Variants in PRIM2 observed in about 807,000 individuals in gnomAD.
PRIM2 encodes DNA primase large subunit.
PRIM2 carries 39 observed loss-of-function variants against 67.3 expected under a neutral mutation model. That is an observed-to-expected ratio of 0.58 (90% CI 0.45 to 0.76). The LOEUF is 0.76. Among genes scored for constraint, PRIM2 ranks in the 30% least tolerant of loss-of-function variants. The probability of loss-of-function intolerance (pLI) is 0.00; values close to 1 mark genes in which losing one functional copy is unlikely to be tolerated. For synonymous variants in PRIM2, 143 were observed against 198.7 expected (o/e 0.72, Z 2.36); for missense variants, 398 against 598.7 (o/e 0.66, Z 3.50).
intron 7 of PRIM2, among the ~76,000 whole-genome samples, chr6:57,482,798 T>C (rs1196401614): frequency 1.3e-5 from 2 of 152,170 alleles, no homozygotes; most frequent in Non-Finnish European, 2.9e-5. Context: ...TAAATACCTA[T>C]TTTATAGACT....
intron 7 of PRIM2, among the ~76,000 whole-genome samples, chr6:57,465,534 G>T (rs1396994917): frequency 2.6e-5 from 4 of 152,158 alleles, no homozygotes; most frequent in Non-Finnish European, 4.4e-5. Context: ...ATGTCCAAAA[G>T]GCAGTATAAA....
intron 5 of PRIM2, among the ~76,000 whole-genome samples, chr6:57,361,426 G>T (rs1769196038): frequency 6.6e-6 from 1 of 151,534 alleles, no homozygotes; most frequent in Non-Finnish European, 1.5e-5. Context: ...GAAGCTTGGT[G>T]GACCTTGAAG....
At position 57,324,051 on chromosome 6, in the gene PRIM2, T is replaced by A. The variant is rs949465397; in HGVS notation, c.259-150T>A. The A allele has an allele frequency of 2.0e-5, 11 of 541,950 alleles. No individual in the cohort carries two copies. The South Asian group carries it at 2.6e-4, about 13-fold the overall frequency. 33.6% of individuals were successfully genotyped at this position (541,950 alleles called of 1,614,324 possible). A position where few individuals can be genotyped will look rare whatever the true frequency, so the allele number is the denominator to read the frequency against. ...AGTGAGCTGTGATTGACCACTACTC[T>A]CCAGTCTGGGTGGTAGAGCAAGACC... On this transcript the variant is annotated intron_variant, in intron 3 of 13. Transcript: ENST00000615550.
chr6:57,298,140 T>C, the PRIM2 span, among the ~76,000 whole-genome samples: 268 of 152,208 alleles, frequency 1.8e-3, no homozygotes, highest in Admixed American at 2.2e-3. Flanking sequence ...GGTGGGCAGA[T>C]CAAGAGGTCA....
the PRIM2 span, among the ~76,000 whole-genome samples, chr6:57,257,907 T>C: frequency 6.6e-6 from 1 of 152,210 alleles, no homozygotes; most frequent in Non-Finnish European, 1.5e-5. Flanking sequence ...GGGTTATTAT[T>C]TTGTCCTCCT....
At chr6:57,603,794 T>C (rs1776513798) in intron 11 of PRIM2, among the ~76,000 whole-genome samples, 1 of 151,760 alleles carries the variant, frequency 6.6e-6, no homozygotes, top group Non-Finnish European at 1.5e-5. Flanking sequence ...TTTAATGACA[T>C]TGATTCTTCC....
intron 12 of PRIM2, among the ~76,000 whole-genome samples, chr6:57,630,219 C>T (rs1412909011): frequency 6.6e-6 from 1 of 151,536 alleles, no homozygotes; most frequent in Non-Finnish European, 1.5e-5. Context: ...TTTAAGCTAT[C>T]CTGATCATAG....
At position 57,451,795 on chromosome 6, in the gene PRIM2, ATTATAC is replaced by A. The variant is rs1259893500; in HGVS notation, c.694-55589_694-55584del. On this transcript the variant is annotated intron_variant, in intron 7 of 13. Coordinates refer to ENST00000615550, the MANE Select transcript of PRIM2 (RefSeq NM_000947.5). ...ATTTCCTTTCTTTTTTTTTTTTTTA[ATTATAC>A]TTTAAGTTTTAGGGTACATGTGCAC... 1.3e-3 allele frequency among the ~76,000 whole-genome samples: 186 copies of A among 139,816 alleles called. 5 individuals carry two copies. In the East Asian group the frequency reaches 0.017, roughly 13 times the overall value. The allele number at this position is 139,816 out of a possible 152,430, so 91.7% of individuals were successfully genotyped here.
intron 5 of PRIM2, among the ~76,000 whole-genome samples, chr6:57,349,885 A>AT (rs1000810052): frequency 9.9e-5 from 15 of 152,178 alleles, no homozygotes; most frequent in Non-Finnish European, 2.2e-4. Flanking sequence ...ATATTTTCCT[A>AT]TTTTTTGTAA....
At chr6:57,513,069 A>G (rs1369568475) in intron 8 of PRIM2, among the ~76,000 whole-genome samples, 2 of 152,174 alleles carry the variant, frequency 1.3e-5, no homozygotes, top group Non-Finnish European at 2.9e-5. Context: ...TAAAGTTTAG[A>G]GAGAATTTGT....
chr6:57,295,045 C>T, the PRIM2 span, among the ~76,000 whole-genome samples: 1 of 152,086 alleles, frequency 6.6e-6, no homozygotes, highest in African/African-American at 2.4e-5. Flanking sequence ...CTGACTTCAG[C>T]ATCCCAAAAT....
At chr6:57,238,321 C>G in the PRIM2 span, among the ~76,000 whole-genome samples, 4 of 152,168 alleles carry the variant, frequency 2.6e-5, no homozygotes, top group African/African-American at 9.7e-5. Context: ...AAGTAAAGCA[C>G]TCCTCAGCAA....
chr6:57,417,856 C>T (rs1771320491), intron 7 of PRIM2, among the ~76,000 whole-genome samples: 1 of 151,442 alleles, frequency 6.6e-6, no homozygotes, highest in Admixed American at 6.6e-5. Context: ...TCAGTTTTAA[C>T]ACAATTTGAA....
the PRIM2 span, among the ~76,000 whole-genome samples, chr6:57,287,201 G>A: frequency 5.3e-5 from 8 of 152,310 alleles, no homozygotes; most frequent in South Asian, 1.0e-3. Flanking sequence ...ACAGTGTGGC[G>A]ATTCCTGAAG....
intron 3 of PRIM2, 73 bp downstream of exon 3, chr6:57,320,633 A>G (rs1767623225): frequency 2.1e-6 from 2 of 934,960 alleles, no homozygotes; most frequent in Non-Finnish European, 3.2e-6. Context: ...TGTGGGAAAG[A>G]TATTATATTA....
chr6:57,405,357 A>G lies in PRIM2; in HGVS notation c.693+23189A>G, dbSNP rs530441692. Among the ~76,000 whole-genome samples, 149 of 150,562 alleles carry G rather than the reference A, an allele frequency of 9.9e-4. 1 individual carries two copies. In the East Asian group the frequency reaches 0.012, roughly 12 times the overall value. ...GAGTGTAATTTTTAACAGTGACTGG[A>G]CATTGTAAAGTAATGATTATGTATA... is the stretch of plus-strand genomic sequence containing the variant. On this transcript the variant is annotated intron_variant, in intron 7 of 13. Coordinates refer to ENST00000615550, the MANE Select transcript of PRIM2 (RefSeq NM_000947.5).
chr6:57,456,559 T>G (rs1772788954), intron 7 of PRIM2, among the ~76,000 whole-genome samples: 2 of 152,220 alleles, frequency 1.3e-5, no homozygotes, highest in East Asian at 3.9e-4. Flanking sequence ...CTAATACCCT[T>G]TCTTCCAGTT....
rs1258373139 is a variant in PRIM2 at position 57,563,913 on chromosome 6, C to T, written c.1020+26288C>T. ...TGCTCTGGTGATCCACCCTCCTCAG[C>T]CTCCCAAAGTGCTGGGATTACAGGC... On this transcript the variant is annotated intron_variant, in intron 10 of 13. Transcript: ENST00000615550. Among the ~76,000 whole-genome samples the T allele has an allele frequency of 6.6e-5, 10 of 152,322 alleles. No individual in the cohort carries two copies. In the East Asian group the frequency reaches 1.9e-3, roughly 29 times the overall value.
intron 7 of PRIM2, among the ~76,000 whole-genome samples, chr6:57,391,012 A>G (rs1481614651): frequency 1.3e-5 from 2 of 152,004 alleles, no homozygotes; most frequent in African/African-American, 4.8e-5. Context: ...AACAGTGTAT[A>G]AGTGTTCCCT....
Sources: allele counts gnomAD v4.1 joint callset (sites outside exome capture counted in the v4.1 genomes callset), GRCh38; gene constraint gnomAD v4.1.1; transcripts MANE v1.5; gene names NCBI Gene and HGNC (gene_info 2026-07-23, HGNC 2026-07-21).